Variants in SULF1 observed in about 807,000 individuals in gnomAD.
SULF1 encodes the protein extracellular sulfatase Sulf-1.
A neutral mutation model predicts 110.5 loss-of-function variants in SULF1; 46 were observed. The ratio of observed to expected loss-of-function variants is 0.42; its 90% CI spans 0.33 to 0.53. SULF1 has a LOEUF of 0.53. Ranked by LOEUF, SULF1 falls within the 20% of genes least tolerant of loss-of-function variation. The probability of loss-of-function intolerance (pLI) is 0.12; values close to 1 mark genes in which losing one functional copy is unlikely to be tolerated. For missense variants in SULF1, 941 were observed against 1,094.2 expected, an observed-to-expected ratio of 0.86 and a Z score of 1.98; for synonymous variants, 371 against 387.1, an observed-to-expected ratio of 0.96 and a Z score of 0.49.
chr8:69,638,668 A>T, intron 20 of SULF1, 24 bp downstream of exon 20: 3 of 1,611,972 alleles, frequency 1.9e-6, no homozygotes, highest in Non-Finnish European at 2.5e-6. Flanking sequence ...TGTTCATTTT[A>T]TGAAGGTTGT....
At chr8:69,570,179 G>C (rs1805123963) in intron 5 of SULF1, among the ~76,000 whole-genome samples, 1 of 152,120 alleles carries the variant, frequency 6.6e-6, no homozygotes, top group African/African-American at 2.4e-5. Context: ...AGCTGGGTTT[G>C]CTTGTTGTTG....
chr8:69,553,177 G>GA (rs1289681162), intron 3 of SULF1, among the ~76,000 whole-genome samples: 2 of 152,188 alleles, frequency 1.3e-5, no homozygotes, highest in Non-Finnish European at 2.9e-5. Flanking sequence ...ATTCCAAGGA[G>GA]AAAAAGCAGA....
At chr8:69,469,858 A>G (rs1440651841) in intron 1 of SULF1, among the ~76,000 whole-genome samples, 1 of 152,190 alleles carries the variant, frequency 6.6e-6, no homozygotes, top group African/African-American at 2.4e-5. Context: ...CCTGGCCAAC[A>G]TGGTGAAACC....
intron 6 of SULF1, among the ~76,000 whole-genome samples, chr8:69,585,105 A>C (rs968745802): frequency 6.6e-6 from 1 of 152,206 alleles, no homozygotes; most frequent in Admixed American, 6.5e-5. Context: ...ATAACATCAG[A>C]AAAACTAAAA....
At chr8:69,488,236 C>T (rs6988050), upstream of SULF1, among the ~76,000 whole-genome samples, 2,124 of 152,302 alleles carry the variant, frequency 0.014, 59 homozygotes, top group African/African-American at 0.047. Flanking sequence ...AAAGATCCGT[C>T]TATTACAATC....
chr8:69,587,683 C>T (rs1460857224), intron 7 of SULF1, among the ~76,000 whole-genome samples: 4 of 152,138 alleles, frequency 2.6e-5, no homozygotes, highest in Non-Finnish European at 5.9e-5. Context: ...GTGCAGACCA[C>T]GTGCACTAAT....
intron 18 of SULF1, among the ~76,000 whole-genome samples, chr8:69,628,831 C>G (rs1810299919): frequency 6.6e-6 from 1 of 152,080 alleles, no homozygotes; most frequent in African/African-American, 2.4e-5. Context: ...TTCAACTAAC[C>G]TTTAACTCGA....
rs1057084418 is a variant in SULF1, at chr8:69,660,673, A to G, written c.*2138A>G. The G allele has an allele frequency of 6.6e-6, 1 of 152,650 alleles. No individual in the cohort carries two copies. Among genetic ancestry groups the G allele is most frequent in the African/African-American group, 2.4e-5 (1 of 41,456 alleles). The allele number at this position is 152,650 out of a possible 1,614,324, so 9.5% of individuals were successfully genotyped here. A position where few individuals can be genotyped will look rare whatever the true frequency, so the allele number is the denominator to read the frequency against. On this transcript the variant is annotated 3_prime_UTR_variant, in exon 23 of 23. Transcript: ENST00000402687. Reference sequence around the variant, plus strand: ...TTTTTGGTAACTTTAAATCTTTATCATAGACTCTGTACATATGTTCAAATT... The same window carrying G: ...TTTTTGGTAACTTTAAATCTTTATCGTAGACTCTGTACATATGTTCAAATT...
In SULF1 at chr8:69,471,959, G is replaced by C. The variant is rs112565724; in HGVS notation, c.-391+5009G>C. Among the ~76,000 whole-genome samples the C allele has an allele frequency of 4.1e-3, 620 of 151,860 alleles. 6 individuals carry two copies. The highest frequency in any genetic ancestry group is 0.014 in the African/African-American group (585 of 41,304). On this transcript the variant is annotated intron_variant, in intron 1 of 22. Transcript: ENST00000260128. ...CATTTTCTTCTGCCACCAAAGGCAG[G>C]GGAATAAGGAAAGGAGGGAGAGAGC... is the stretch of plus-strand genomic sequence containing the variant.
At chr8:69,604,992 A>T (rs1157583182) in intron 13 of SULF1, 60 bp downstream of exon 13, 2 of 1,593,740 alleles carry the variant, frequency 1.3e-6, no homozygotes, top group African/African-American at 2.7e-5. Context: ...TAATTTAGAA[A>T]ATTGTCCACA....
In SULF1 at chr8:69,621,221, C is replaced by T. The variant is rs543349022; in HGVS notation, c.1564C>T (p.Arg522Trp). Reference protein sequence around the residue: ...RASRSQRKSQRQFLRNQGTPK... With the variant: ...RASRSQRKSQWQFLRNQGTPK... ...CAGCAGAAGCCAAAGAAAGAGTCAA[C>T]GGCAATTCTTGAGAAACCAGGGGAC... The change falls in exon 14 of 23, where the codon CGG becomes TGG. Residue 522 changes from arginine to tryptophan, a missense_variant. This residue lies in a region of SULF1 where 822 missense variants were observed against 934.3 expected (regional missense o/e 0.88). Transcript: ENST00000402687. 24 of 1,613,612 alleles carry T rather than the reference C, an allele frequency of 1.5e-5. No individual in the cohort carries two copies. The highest frequency in any genetic ancestry group is 5.0e-5 in the Admixed American group (3 of 59,958).
rs375090509 is a variant in SULF1, at chr8:69,624,159, C to G, written c.1812C>G (p.Asn604Lys). The G allele has an allele frequency of 5.6e-6, 9 of 1,608,870 alleles. No homozygotes were observed. In the East Asian group the frequency reaches 1.8e-4, roughly 32 times the overall value. Residue 604 changes from asparagine to lysine, a missense_variant, in exon 15 of 23, where the codon AAC (asparagine) becomes AAG (lysine). Transcript: ENST00000402687. ...NRGRMLADSS[N>K]AVGPPTTVRV... ...GCAGGATGCTGGCAGATAGCAGCAA[C>G]GCCGTGGGCCCACCTACCACTGTCC...
chr8:69,494,420 C>CA (rs1382856432), intron 1 of SULF1, among the ~76,000 whole-genome samples: 1 of 152,096 alleles, frequency 6.6e-6, no homozygotes, highest in African/African-American at 2.4e-5. Flanking sequence ...TTTATTAACA[C>CA]ACATGGGAAA....
In SULF1 at chr8:69,623,547, C is replaced by A. The variant is rs546070566; in HGVS notation, c.1595-395C>A. Among the ~76,000 whole-genome samples, 12 of 152,312 alleles carry A rather than the reference C, an allele frequency of 7.9e-5. No homozygotes were observed. The East Asian group carries it at 2.3e-3, about 29-fold the overall frequency. On this transcript the variant is annotated intron_variant, in intron 14 of 22. Transcript: ENST00000402687. ...TAAAGGATAGTCATTATTATTAACA[C>A]CATAATTGGGAATATGGTTTTATCC...
intron 22 of SULF1, among the ~76,000 whole-genome samples, chr8:69,642,615 T>C (rs926351018): frequency 4.7e-4 from 71 of 152,152 alleles, no homozygotes; most frequent in African/African-American, 1.5e-3. Flanking sequence ...ATTTTCAAAG[T>C]GTAATATTAT....
rs193164086 is a variant in SULF1 at position 69,659,986 on chromosome 8, C to A, written c.*1451C>A. 57 of 152,626 alleles carry A rather than the reference C, an allele frequency of 3.7e-4. No individual in the cohort carries two copies. The highest frequency in any genetic ancestry group is 1.3e-3 in the African/African-American group (54 of 41,518). The allele number at this position is 152,626 out of a possible 1,614,324, so 9.5% of individuals were successfully genotyped here. ...GTTGCATGTGTTTTACCTCGACTTGCTAAAATCGATTAGCAGAAAGGCATG... is the reference window on the plus strand; with the variant it reads ...GTTGCATGTGTTTTACCTCGACTTGATAAAATCGATTAGCAGAAAGGCATG... On this transcript the variant is annotated 3_prime_UTR_variant, in exon 23 of 23. Transcript: ENST00000402687.
At chr8:69,562,781 G>C (rs1374422208) in intron 3 of SULF1, 1 of 153,212 alleles carries the variant, frequency 6.5e-6, no homozygotes, top group Non-Finnish European at 1.5e-5. Flanking sequence ...TGCTTTGCAG[G>C]TTTAAGATCT....
At chr8:69,538,234 TTTTTG>T (rs1356487593) in intron 3 of SULF1, among the ~76,000 whole-genome samples, 1 of 152,042 alleles carries the variant, frequency 6.6e-6, no homozygotes, top group Non-Finnish European at 1.5e-5. Flanking sequence ...AAAAGCCTGC[TTTTTG>T]TTTTGTTTGC....
intron 1 of SULF1, among the ~76,000 whole-genome samples, chr8:69,470,915 C>G (rs1486505134): frequency 6.6e-6 from 1 of 152,194 alleles, no homozygotes; most frequent in Non-Finnish European, 1.5e-5. Flanking sequence ...GCCCTAACCA[C>G]TCTAGTTTTC....
Sources: allele counts gnomAD v4.1 joint callset (sites outside exome capture counted in the v4.1 genomes callset), GRCh38; gene constraint gnomAD v4.1.1; regional missense constraint gnomAD v4.1.1; transcripts MANE v1.5; gene names NCBI Gene and HGNC (gene_info 2026-07-23, HGNC 2026-07-21).